CD86: variants seen among roughly 807,000 people sequenced by gnomAD.
The protein encoded by CD86 is T-lymphocyte activation antigen CD86.
Under a neutral mutation model 32.1 loss-of-function variants are expected in CD86, and 11 were observed. The ratio of observed to expected loss-of-function variants is 0.34; its 90% CI spans 0.22 to 0.57. The LOEUF is 0.57. Ranked by LOEUF, CD86 falls within the 20% of genes least tolerant of loss-of-function variation. CD86 has a pLI of 0.86. For synonymous variants in CD86, 137 were observed against 135.3 expected (o/e 1.01, Z -0.09); for missense variants, 359 against 398.4 (o/e 0.90, Z 0.84).
At chr3:122,073,898 G>A (rs1050111402) in intron 1 of CD86, among the ~76,000 whole-genome samples, 5 of 152,132 alleles carry the variant, frequency 3.3e-5, no homozygotes, top group African/African-American at 9.7e-5. Context: ...AATCCCACTG[G>A]TGAGCCTCAA....
rs575361304 is a variant in CD86 at position 122,109,893 on chromosome 3, A to G, written c.847+485A>G. Among the ~76,000 whole-genome samples, 15 of 152,356 alleles carry G rather than the reference A, an allele frequency of 9.8e-5. No homozygotes were observed. In the East Asian group the frequency reaches 2.7e-3, roughly 27 times the overall value. On this transcript the variant is annotated intron_variant, in intron 5 of 6. Coordinates refer to ENST00000330540, the MANE Select transcript of CD86 (RefSeq NM_175862.5). ...CATTGACTTATAACAAACAATATTA[A>G]CTTTAACTAATTTCTAAGTAATACA...
Position 122,109,437 on chromosome 3 carries a change from C to G in CD86, c.847+29C>G, listed in dbSNP as rs1206800720. 4.3e-6 allele frequency: 7 copies of G among 1,612,964 alleles called. No individual in the cohort carries two copies. In the Admixed American group the frequency reaches 1.2e-4, roughly 27 times the overall value. ...AGTGAGTCCTTGTCCTCCCCACAGA[C>G]TGTCACTTTGCACCTACTTCCCAAT... On this transcript the variant is annotated intron_variant, in intron 5 of 6. Transcript: ENST00000330540.
chr3:122,081,338 A>G (rs1315891501), intron 1 of CD86, among the ~76,000 whole-genome samples: 2 of 152,216 alleles, frequency 1.3e-5, no homozygotes, highest in African/African-American at 2.4e-5. Flanking sequence ...ACCAATGAAA[A>G]GCATCAAAAA....
At chr3:122,081,756 G>A (rs531402435) in intron 1 of CD86, among the ~76,000 whole-genome samples, 27 of 152,238 alleles carry the variant, frequency 1.8e-4, no homozygotes, top group African/African-American at 5.1e-4. Flanking sequence ...AAATCAACTC[G>A]TGCAAGTTCT....
At chr3:122,084,004 T>C (rs1018810416) in intron 1 of CD86, among the ~76,000 whole-genome samples, 1 of 152,182 alleles carries the variant, frequency 6.6e-6, no homozygotes, top group African/African-American at 2.4e-5. Flanking sequence ...TCTTTTTTTC[T>C]GAGATGGAGT....
intron 1 of CD86, among the ~76,000 whole-genome samples, chr3:122,062,030 T>C (rs79468268): frequency 2.0e-4 from 31 of 152,060 alleles, no homozygotes; most frequent in African/African-American, 7.2e-4. Flanking sequence ...GACTTCCCTG[T>C]ACATTTTTTC....
intron 1 of CD86, among the ~76,000 whole-genome samples, chr3:122,072,497 T>C (rs1344566386): frequency 6.6e-6 from 1 of 152,254 alleles, no homozygotes; most frequent in East Asian, 1.9e-4. Context: ...TGAGCATTTT[T>C]TCATGTGTCT....
At chr3:122,105,277 AGCTAAACAC>A (rs1333335729) in intron 3 of CD86, among the ~76,000 whole-genome samples, 10 of 152,244 alleles carry the variant, frequency 6.6e-5, no homozygotes, top group Non-Finnish European at 1.2e-4. Flanking sequence ...TTGTTAATGA[AGCTAAACAC>A]GGTCTGGCAA....
intron 3 of CD86, among the ~76,000 whole-genome samples, chr3:122,104,300 C>T (rs556441387): frequency 2.0e-5 from 3 of 152,100 alleles, no homozygotes; most frequent in Non-Finnish European, 4.4e-5. Flanking sequence ...TTTGGGTTTT[C>T]CCTTCAGCCT....
At chr3:122,117,204 C>T (rs1576790254) in intron 5 of CD86, among the ~76,000 whole-genome samples, 1 of 152,280 alleles carries the variant, frequency 6.6e-6, no homozygotes, top group East Asian at 1.9e-4. Context: ...TTTTATCCTT[C>T]ATCCACCTCT....
intron 1 of CD86, among the ~76,000 whole-genome samples, chr3:122,079,019 A>G (rs1272086476): frequency 1.3e-5 from 2 of 152,228 alleles, no homozygotes; most frequent in Admixed American, 6.5e-5. Flanking sequence ...TTCCTAATAT[A>G]GTTATTAAGT....
chr3:122,110,162 C>T (rs1163198863), intron 5 of CD86, among the ~76,000 whole-genome samples: 1 of 152,190 alleles, frequency 6.6e-6, no homozygotes, highest in Non-Finnish European at 1.5e-5. Context: ...TATCATTCTA[C>T]AGCATCATTT....
chr3:122,100,962 T>TC lies in CD86; in HGVS notation c.65-2546dup, dbSNP rs557536278. Among the ~76,000 whole-genome samples the TC allele has an allele frequency of 5.5e-4, 84 of 152,202 alleles. 1 individual carries two copies. In the South Asian group the frequency reaches 0.016, roughly 30 times the overall value. ...TGATCACAGACCTTGAGCCAAACTT[T>TC]CCCCATTTAGTCAGAGAAAGGATTA... is the stretch of plus-strand genomic sequence containing the variant. On this transcript the variant is annotated intron_variant, in intron 2 of 6. Coordinates refer to ENST00000330540, the MANE Select transcript of CD86 (RefSeq NM_175862.5).
chr3:122,073,598 G>A (rs2072519004), intron 1 of CD86, among the ~76,000 whole-genome samples: 1 of 152,198 alleles, frequency 6.6e-6, no homozygotes, highest in Admixed American at 6.5e-5. Flanking sequence ...CTCAGGTGAT[G>A]TCAGGGAACT....
intron 2 of CD86, among the ~76,000 whole-genome samples, chr3:122,093,676 G>A (rs1455241831): frequency 6.6e-6 from 1 of 152,178 alleles, no homozygotes; most frequent in Non-Finnish European, 1.5e-5. Context: ...ATGTGGCTGT[G>A]CAATACATGA....
chr3:122,056,511 T>C (rs181259160), intron 1 of CD86, among the ~76,000 whole-genome samples: 145 of 152,212 alleles, frequency 9.5e-4, no homozygotes, highest in African/African-American at 3.3e-3. Context: ...ATTTTTGTAT[T>C]TTTGGTAGAG....
chr3:122,118,000 G>T, intron 5 of CD86, 48 bp from the exon 6 acceptor site: 1 of 1,518,208 alleles, frequency 6.6e-7, no homozygotes, highest in Non-Finnish European at 9.1e-7. Context: ...CCTTCTTTTG[G>T]TATCTAGGAG....
At chr3:122,091,766 G>A in intron 2 of CD86, 116 bp downstream of exon 2, 1 of 784,560 alleles carries the variant, frequency 1.3e-6, no homozygotes, top group East Asian at 2.5e-5. Flanking sequence ...ACTGAGCATT[G>A]TACAAGACCA....
At chr3:122,115,315 C>G (rs1025263334) in intron 5 of CD86, among the ~76,000 whole-genome samples, 7 of 151,972 alleles carry the variant, frequency 4.6e-5, no homozygotes, top group Non-Finnish European at 1.0e-4. Context: ...AGTACAAGGT[C>G]TATATACTGA....
Sources: allele counts gnomAD v4.1 joint callset (sites outside exome capture counted in the v4.1 genomes callset), GRCh38; gene constraint gnomAD v4.1.1; transcripts MANE v1.5; gene names NCBI Gene and HGNC (gene_info 2026-07-23, HGNC 2026-07-21).